The following TTC6 variants were observed in gnomAD, a reference collection of about 807,000 sequenced individuals.
TTC6 encodes the protein tetratricopeptide repeat protein 6.
Under a neutral mutation model 210.4 loss-of-function variants are expected in TTC6, and 172 were observed. The ratio of observed to expected loss-of-function variants is 0.82; its 90% CI spans 0.72 to 0.93. The LOEUF is 0.93. Among genes scored for constraint, TTC6 ranks in the 40% least tolerant of loss-of-function variants. The pLI is 0.00. For synonymous variants in TTC6, 804 were observed against 819.6 expected (o/e 0.98, Z 0.32); for missense variants, 2,414 against 2,318.1 (o/e 1.04, Z -0.85).
chr14:37,738,518 A>T (rs1052173788), intron 9 of TTC6, among the ~76,000 whole-genome samples: 1 of 152,126 alleles, frequency 6.6e-6, no homozygotes, highest in Admixed American at 6.6e-5. Flanking sequence ...ATCATAATAC[A>T]TATCTAATTT....
chr14:37,599,658 C>T (rs1455251852), intron 1 of TTC6, among the ~76,000 whole-genome samples: 3 of 152,166 alleles, frequency 2.0e-5, no homozygotes, highest in Non-Finnish European at 2.9e-5. Context: ...AAAACCGTCC[C>T]TCTGGCCACG....
At chr14:37,815,182 A>G (rs2096138512) in intron 25 of TTC6, among the ~76,000 whole-genome samples, 1 of 152,176 alleles carries the variant, frequency 6.6e-6, no homozygotes, top group Admixed American at 6.5e-5. Context: ...TAAATGCCTC[A>G]AACTTAAATA....
intron 5 of TTC6, among the ~76,000 whole-genome samples, chr14:37,713,528 A>C (rs2138753347): frequency 6.6e-6 from 1 of 152,250 alleles, no homozygotes; most frequent in East Asian, 1.9e-4. Flanking sequence ...ATGAACCACC[A>C]TGCCTGGCCA....
At chr14:37,691,815 C>A (rs2095804067) in intron 3 of TTC6, among the ~76,000 whole-genome samples, 1 of 151,980 alleles carries the variant, frequency 6.6e-6, no homozygotes, top group South Asian at 2.1e-4. Flanking sequence ...GAAAAGAAGA[C>A]AGAAGATCCA....
At chr14:37,753,680 C>T (rs2095959043) in intron 14 of TTC6, among the ~76,000 whole-genome samples, 1 of 152,062 alleles carries the variant, frequency 6.6e-6, no homozygotes, top group Non-Finnish European at 1.5e-5. Context: ...GCGATCCTCC[C>T]ACCTCTTCCT....
At chr14:37,626,088 A>T (rs984741700) in intron 1 of TTC6, among the ~76,000 whole-genome samples, 12 of 152,222 alleles carry the variant, frequency 7.9e-5, no homozygotes, top group African/African-American at 2.9e-4. Context: ...ATGTTGCCAG[A>T]TGAGCCCTTG....
chr14:37,727,701 A>C (rs1431876972), intron 7 of TTC6, among the ~76,000 whole-genome samples: 1 of 151,676 alleles, frequency 6.6e-6, no homozygotes, highest in Non-Finnish European at 1.5e-5. Context: ...CCTTATTTCA[A>C]ACCTTTTCAT....
chr14:37,788,462 A>G (rs1200902874), intron 15 of TTC6, among the ~76,000 whole-genome samples: 1 of 152,162 alleles, frequency 6.6e-6, no homozygotes, highest in Non-Finnish European at 1.5e-5. Flanking sequence ...TGATTGTCTT[A>G]AGTCCATTTG....
At chr14:37,752,108 A>G (rs1320400414) in intron 13 of TTC6, among the ~76,000 whole-genome samples, 2 of 152,060 alleles carry the variant, frequency 1.3e-5, no homozygotes, top group Admixed American at 6.6e-5. Flanking sequence ...TACAGGCGTG[A>G]GCCACCGTGC....
intron 1 of TTC6, among the ~76,000 whole-genome samples, chr14:37,603,134 C>T (rs915639808): frequency 2.6e-5 from 4 of 152,284 alleles, no homozygotes; most frequent in Admixed American, 6.5e-5. Context: ...ACTGCAGAAG[C>T]TGTGTGGAGA....
intron 14 of TTC6, among the ~76,000 whole-genome samples, chr14:37,754,648 G>A (rs1466850439): frequency 6.6e-6 from 1 of 152,022 alleles, no homozygotes; most frequent in African/African-American, 2.4e-5. Flanking sequence ...GGCCAGGCTG[G>A]TCTCAGACTT....
At chr14:37,787,014 G>A (rs970192947) in intron 14 of TTC6, among the ~76,000 whole-genome samples, 5 of 152,082 alleles carry the variant, frequency 3.3e-5, no homozygotes, top group African/African-American at 7.2e-5. Context: ...AGACTTTCAC[G>A]TATTTGGATG....
intron 11 of TTC6, 56 bp downstream of exon 13, chr14:37,749,457 G>A: frequency 7.4e-7 from 1 of 1,359,568 alleles, no homozygotes; most frequent in Admixed American, 3.5e-5. Context: ...GCTTTTAATT[G>A]TATAGTAATT....
At chr14:37,781,565 A>G (rs1427905583) in intron 14 of TTC6, among the ~76,000 whole-genome samples, 2 of 152,128 alleles carry the variant, frequency 1.3e-5, no homozygotes, top group East Asian at 1.9e-4. Flanking sequence ...ATTTTCTCCC[A>G]TTCTGTAGGT....
intron 6 of TTC6, among the ~76,000 whole-genome samples, 200 bp from the exon 9 acceptor site, chr14:37,724,698 A>C (rs1444764622): frequency 2.6e-5 from 4 of 152,152 alleles, no homozygotes; most frequent in Non-Finnish European, 4.4e-5. Flanking sequence ...AAATTTCCCC[A>C]AGTCCTTAGC....
upstream of TTC6, among the ~76,000 whole-genome samples, chr14:37,617,555 G>A (rs996275804): frequency 3.3e-5 from 5 of 152,202 alleles, no homozygotes; most frequent in South Asian, 8.3e-4. Context: ...TATAGAAAGT[G>A]CAGAAAAATA....
chr14:37,630,907 G>GTGTTTTTTTTTTTTTTTT (rs2095668293), intron 1 of TTC6, among the ~76,000 whole-genome samples: 1 of 33,064 alleles, frequency 3.0e-5, no homozygotes. Context: ...GGCAACCCCT[G>GTGTTTTTTTTTTTTTTTT]TTTTTTTTTT....
intron 1 of TTC6, among the ~76,000 whole-genome samples, chr14:37,634,043 T>C (rs2095675268): frequency 6.6e-6 from 1 of 152,056 alleles, no homozygotes; most frequent in Admixed American, 6.6e-5. Context: ...ATCCAAAATG[T>C]CCAGGTTTTA....
intron 15 of TTC6, 122 bp from the exon 18 acceptor site, chr14:37,790,595 G>A (rs1246763392): frequency 6.4e-6 from 5 of 776,440 alleles, no homozygotes; most frequent in Non-Finnish European, 1.0e-5. Flanking sequence ...TCATAGATAT[G>A]TTTCTATTTT....
Sources: gnomAD v4.1 joint callset for allele counts (sites outside exome capture counted in the v4.1 genomes callset) on GRCh38, gnomAD v4.1.1 for gene constraint, MANE v1.5 for transcripts, NCBI Gene and HGNC (gene_info 2026-07-23, HGNC 2026-07-21) for gene names.